PEX16: variants seen among roughly 807,000 people sequenced by gnomAD.
PEX16 encodes peroxisomal biogenesis factor 16.
In PEX16, 37 loss-of-function variants were observed where a neutral mutation model predicts 50.5. The observed-to-expected ratio is 0.73, with a 90% CI of 0.56 to 0.96. PEX16 has a LOEUF of 0.96. Ranked by LOEUF, PEX16 falls within the 40% of genes least tolerant of loss-of-function variation. PEX16 has a pLI of 0.00. For synonymous variants in PEX16, 185 were observed against 190.3 expected, an observed-to-expected ratio of 0.97 and a Z score of 0.23; for missense variants, 401 against 438.3, an observed-to-expected ratio of 0.91 and a Z score of 0.76.
At chr11:45,912,294 C>T (rs925420401) in intron 9 of PEX16, among the ~76,000 whole-genome samples, 4 of 152,078 alleles carry the variant, frequency 2.6e-5, no homozygotes, top group Non-Finnish European at 5.9e-5. Flanking sequence ...GTCAGGAGAT[C>T]GAGACCATCC....
chr11:45,911,125 G>A (rs746174199), intron 9 of PEX16, among the ~76,000 whole-genome samples, 163 bp from the exon 10 acceptor site: 1 of 152,232 alleles, frequency 6.6e-6, no homozygotes, highest in Non-Finnish European at 1.5e-5. Flanking sequence ...GTACACAAGG[G>A]CAAGACCTCT....
At chr11:45,910,362 T>C in intron 10 of PEX16, 50 bp from the exon 11 acceptor site, 1 of 1,467,626 alleles carries the variant, frequency 6.8e-7, no homozygotes, top group Non-Finnish European at 9.5e-7. Context: ...CAATCTGCAC[T>C]GTGGCGCCAC....
rs1009449072 is a variant in PEX16, at chr11:45,913,697, C to A, written c.887+122G>T. 11 of 1,168,386 alleles carry A rather than the reference C, an allele frequency of 9.4e-6. No homozygotes were observed. The South Asian group carries it at 1.0e-4, about 11-fold the overall frequency. The allele number at this position is 1,168,386 out of a possible 1,614,324, so 72.4% of individuals were successfully genotyped here. A position where few individuals can be genotyped will look rare whatever the true frequency, so the allele number is the denominator to read the frequency against. Reference sequence around the variant, plus strand: ...TGGCATCTGGTGACTGCCACCCGGACAACACACAGTGCTTGGTGAACCCTG... The same window carrying A: ...TGGCATCTGGTGACTGCCACCCGGAAAACACACAGTGCTTGGTGAACCCTG... On this transcript the variant is annotated intron_variant, in intron 9 of 10. Transcript: ENST00000378750.
In PEX16 at chr11:45,914,338, G is replaced by A. The variant is rs746173483; in HGVS notation, c.672C>T (p.Tyr224=). 4.3e-6 allele frequency: 7 copies of A among 1,612,806 alleles called. No homozygotes were observed. The East Asian group carries it at 6.7e-5, about 15-fold the overall frequency. ...GLQETIAEFL[Y]IARPLLHLLS... ...TACAGTGCAGCAGCGGCCGGGCAAT[G>A]TACAAAAACTCTGCGATGGTCTCCT... The change falls in exon 7 of 11, where the codon TAC becomes TAT. Residue 224 remains tyrosine (Y), a synonymous_variant. Transcript: ENST00000378750.
chr11:45,912,265 G>A (rs2086786779), intron 9 of PEX16, among the ~76,000 whole-genome samples: 4 of 152,044 alleles, frequency 2.6e-5, no homozygotes, highest in South Asian at 2.1e-4. Context: ...TTGGGAGGCC[G>A]AGGCAGGCGG....
upstream of PEX16, chr11:45,918,407 G>T: frequency 5.6e-6 from 1 of 178,258 alleles, no homozygotes; most frequent in Non-Finnish European, 1.2e-5. Flanking sequence ...CTCAACAAAG[G>T]TAGTGCTGGG....
In PEX16 at chr11:45,914,163, G is replaced by C. The variant is rs1293202134; in HGVS notation, c.735C>G (p.Pro245=). The change falls in exon 8 of 11, where the codon CCC becomes CCG. Residue 245 remains proline (P), a synonymous_variant. Transcript: ENST00000378750. ...CGTCCACAACACCAGCCAAGAGCCA[G>C]GGTTTCCACGACCTCTGACCCCACA... is the stretch of plus-strand genomic sequence containing the variant. ...LGLWGQRSWK[P]WLLAGVVDVT... is the part of the protein sequence containing the mutation. 3 of 1,609,798 alleles carry C rather than the reference G, an allele frequency of 1.9e-6. No homozygotes were observed. The highest frequency in any genetic ancestry group is 3.4e-5 in the Admixed American group (2 of 59,450).
chr11:45,917,545 G>A (rs181202103), intron 1 of PEX16, 52 bp from the exon 2 acceptor site: 1 of 1,605,640 alleles, frequency 6.2e-7, no homozygotes, highest in East Asian at 2.2e-5. Context: ...CTCACATTTC[G>A]TCTTCGGGTC....
chr11:45,916,899 A>G, intron 2 of PEX16: 1 of 413,852 alleles, frequency 2.4e-6, no homozygotes, highest in Non-Finnish European at 4.9e-6. Context: ...CGAACTCCTG[A>G]CCTCACGTGA....
chr11:45,913,567 G>A (rs1219155935), intron 9 of PEX16, among the ~76,000 whole-genome samples: 2 of 152,250 alleles, frequency 1.3e-5, no homozygotes, highest in Non-Finnish European at 2.9e-5. Flanking sequence ...TGGGCCACCT[G>A]GCAATGCCCT....
intron 10 of PEX16, among the ~76,000 whole-genome samples, 170 bp from the exon 11 acceptor site, chr11:45,910,482 G>A (rs1267743564): frequency 6.6e-6 from 1 of 152,210 alleles, no homozygotes; most frequent in African/African-American, 2.4e-5. Context: ...AAGACCCTCA[G>A]GCCCAGAGAA....
intron 9 of PEX16, among the ~76,000 whole-genome samples, chr11:45,913,299 C>A (rs1318289033): frequency 6.6e-6 from 1 of 152,154 alleles, no homozygotes; most frequent in Non-Finnish European, 1.5e-5. Flanking sequence ...CCCTGCTCAA[C>A]CCAGCAGGCC....
intron 9 of PEX16, among the ~76,000 whole-genome samples, chr11:45,912,953 C>T (rs2086793556): frequency 6.6e-6 from 1 of 152,032 alleles, no homozygotes; most frequent in Non-Finnish European, 1.5e-5. Context: ...TCCTGAGTAG[C>T]TAGGACTTAC....
chr11:45,910,909 CCAA>C lies in PEX16; in HGVS notation c.938_940del (p.Val313del). The C allele has an allele frequency of 1.2e-6, 2 of 1,613,614 alleles. No individual in the cohort carries two copies. Among genetic ancestry groups the C allele is most frequent in the Non-Finnish European group, 1.7e-6 (2 of 1,179,970 alleles). On this transcript the variant is annotated inframe_deletion, in exon 10 of 11. Transcript: ENST00000378750. ...CCATCCCTGCTTACTTGTGACCAGGCCAACGCCAGGGACGTGGTCGGCCAGCAA... is the reference window on the plus strand; with the variant it reads ...CCATCCCTGCTTACTTGTGACCAGGCCGCCAGGGACGTGGTCGGCCAGCAA...
Position 45,917,658 on chromosome 11 carries a change from G to A in PEX16, c.112+42C>T, listed in dbSNP as rs943915746. ...AGGGAAGGGGGCCACTGGGGTCATAGGTCAGGGCCCAGAAGGAACTGATCA... is the reference window on the plus strand; with the variant it reads ...AGGGAAGGGGGCCACTGGGGTCATAAGTCAGGGCCCAGAAGGAACTGATCA... On this transcript the variant is annotated intron_variant, in intron 1 of 10. Coordinates refer to ENST00000378750, the MANE Select transcript of PEX16 (RefSeq NM_004813.4). The A allele has an allele frequency of 7.3e-6, 11 of 1,512,792 alleles. No individual in the cohort carries two copies. The African/African-American group carries it at 1.5e-4, about 21-fold the overall frequency. 93.7% of individuals were successfully genotyped at this position (1,512,792 alleles called of 1,614,324 possible). A position where few individuals can be genotyped will look rare whatever the true frequency, so the allele number is the denominator to read the frequency against.
chr11:45,916,371 A>G, intron 2 of PEX16, 68 bp from the exon 3 acceptor site: 1 of 1,221,550 alleles, frequency 8.2e-7, no homozygotes, highest in Non-Finnish European at 1.2e-6. Context: ...TTCTCCCCAG[A>G]GCTGCAGGGA....
rs1412626897 is a variant in PEX16, at chr11:45,917,486, G to T, written c.120C>A (p.Phe40Leu). The change falls in exon 2 of 11, where the codon TTC becomes TTA. Residue 40 changes from phenylalanine to leucine, a missense_variant. Physicochemically the swap from Phe to Leu is conservative, Grantham distance 22. Coordinates refer to ENST00000378750, the MANE Select transcript of PEX16 (RefSeq NM_004813.4). ...RGFSYLLAGR[F>L]ADSHELSELV... is the part of the protein sequence containing the mutation. ...GCTCTGACAGCTCGTGCGAATCGGC[G>T]AATCGACCTGGGGAGAGGGTACAGA... 2 of 1,613,910 alleles carry T rather than the reference G, an allele frequency of 1.2e-6. No homozygotes were observed. Among genetic ancestry groups the T allele is most frequent in the African/African-American group, 1.3e-5 (1 of 74,900 alleles).
upstream of PEX16, chr11:45,918,150 T>C (rs2086860404): frequency 2.3e-6 from 1 of 429,670 alleles, no homozygotes; most frequent in Non-Finnish European, 4.4e-6. Flanking sequence ...GCCTGCGCAG[T>C]TAAAGCTCCG....
Position 45,915,743 on chromosome 11 carries a change from C to T in PEX16, c.319G>A (p.Val107Met), listed in dbSNP as rs17856002. 5 of 1,614,126 alleles carry T rather than the reference C, an allele frequency of 3.1e-6. No individual in the cohort carries two copies. Among genetic ancestry groups the T allele is most frequent in the Admixed American group, 1.7e-5 (1 of 60,020 alleles). The change falls in exon 4 of 11, where the codon GTG becomes ATG. Residue 107 changes from valine (V) to methionine (M), a missense_variant. Physicochemically the swap from Val to Met is conservative, Grantham distance 21 (BLOSUM62 1). Coordinates refer to ENST00000378750, the MANE Select transcript of PEX16 (RefSeq NM_004813.4). ...AGGGCGATGACAAGCCAGCGGCCCACTTCACCCCACACCTTGGCAGCTCCC... is the reference window on the plus strand; with the variant it reads ...AGGGCGATGACAAGCCAGCGGCCCATTTCACCCCACACCTTGGCAGCTCCC... ...EMGAAKVWGE[V>M]GRWLVIALVQ...
Sources: allele counts gnomAD v4.1 joint callset (sites outside exome capture counted in the v4.1 genomes callset), GRCh38; gene constraint gnomAD v4.1.1; transcripts MANE v1.5; gene names NCBI Gene and HGNC (gene_info 2026-07-23, HGNC 2026-07-21).